Variants in UST observed in about 807,000 individuals in gnomAD.
The protein encoded by UST is uronyl 2-sulfotransferase.
UST carries 21 observed loss-of-function variants against 45.6 expected under a neutral mutation model. The observed-to-expected ratio is 0.46, with a 90% confidence interval of 0.33 to 0.66. UST has a LOEUF of 0.66. Among genes scored for constraint, UST ranks in the 30% least tolerant of loss-of-function variants. The pLI is 0.02. For synonymous variants in UST, 215 were observed against 200.6 expected (o/e 1.07, Z -0.61); for missense variants, 463 against 512.4 (o/e 0.90, Z 0.93).
chr6:148,899,543 CGCAAGG>C (rs1450900154), intron 2 of UST, among the ~76,000 whole-genome samples: 1 of 152,172 alleles, frequency 6.6e-6, no homozygotes, highest in African/African-American at 2.4e-5. Flanking sequence ...AATGCCACCA[CGCAAGG>C]GCAACTAAAA....
intron 2 of UST, among the ~76,000 whole-genome samples, chr6:148,889,917 C>T (rs1001710528): frequency 6.6e-6 from 1 of 152,026 alleles, no homozygotes; most frequent in Non-Finnish European, 1.5e-5. Context: ...CCATATCTCC[C>T]CCAACCCCTA....
chr6:148,865,665 TGTG>T (rs1344094235), intron 1 of UST, among the ~76,000 whole-genome samples: 2 of 2,904 alleles, frequency 6.9e-4, no homozygotes, highest in African/African-American at 1.1e-3. Flanking sequence ...TTGCTGAAAT[TGTG>T]TGTGTGTGTG....
intron 1 of UST, among the ~76,000 whole-genome samples, chr6:148,865,914 A>G (rs919901030): frequency 9.2e-5 from 14 of 152,148 alleles, no homozygotes; most frequent in Non-Finnish European, 1.6e-4. Context: ...AGGCTTTTAA[A>G]TTGAGAAAGC....
At chr6:148,747,744 G>C in intron 1 of UST, 67 bp downstream of exon 1, 13 of 1,475,970 alleles carry the variant, frequency 8.8e-6, no homozygotes, top group Non-Finnish European at 1.2e-5. Flanking sequence ...GGAGAGGGTC[G>C]CGGCGGGGAC....
At chr6:148,870,725 C>T (rs966352779) in intron 1 of UST, among the ~76,000 whole-genome samples, 5 of 152,200 alleles carry the variant, frequency 3.3e-5, no homozygotes, top group African/African-American at 1.2e-4. Flanking sequence ...CCTGTTCCCT[C>T]CTGACCTGGG....
intron 7 of UST, chr6:149,027,909 T>A (rs2115023450): frequency 6.6e-6 from 1 of 151,420 alleles, no homozygotes; most frequent in South Asian, 2.1e-4. Flanking sequence ...AATGGCACGA[T>A]CTCGGCTCAC....
rs781384969 is a variant in UST, at chr6:149,073,814, G to A, written c.938-19G>A. 7.5e-6 allele frequency: 12 copies of A among 1,607,108 alleles called. No individual in the cohort carries two copies. Among genetic ancestry groups the A allele is most frequent in the Non-Finnish European group, 1.0e-5 (12 of 1,175,102 alleles). On this transcript the variant is annotated intron_variant, in intron 7 of 7. Coordinates refer to ENST00000367463, the MANE Select transcript of UST (RefSeq NM_005715.3). The stretch of plus-strand genomic sequence containing the variant: ...CTACTGCAAATGATGGCTCATGTGC[G>A]ACCCCGGTTCTCTTCCAGAGCACAG...
Position 148,761,842 on chromosome 6 carries a change from A to G in UST, c.247+14165A>G, listed in dbSNP as rs112751626. Among the ~76,000 whole-genome samples, 1,118 of 152,368 alleles carry G rather than the reference A, an allele frequency of 7.3e-3. 14 individuals carry two copies. The highest frequency in any genetic ancestry group is 0.024 in the African/African-American group (996 of 41,592). On this transcript the variant is annotated intron_variant, in intron 1 of 7. Transcript: ENST00000367463. ...AGCCAACTTCAGCAGTGCGGGGTTA[A>G]CATGGGTTACTCTTGAAAATGTGTT...
chr6:148,997,786 T>C (rs1781479961), intron 5 of UST, among the ~76,000 whole-genome samples: 1 of 152,208 alleles, frequency 6.6e-6, no homozygotes, highest in African/African-American at 2.4e-5. Context: ...TAGTCACTCA[T>C]GATACTAGGA....
chr6:149,026,613 C>A (rs1281826710), intron 7 of UST, among the ~76,000 whole-genome samples: 1 of 152,158 alleles, frequency 6.6e-6, no homozygotes, highest in Non-Finnish European at 1.5e-5. Flanking sequence ...TAGGAACAGT[C>A]ATATGAGCAT....
At position 148,997,668 on chromosome 6, in the gene UST, A is replaced by T. The variant is rs192027616; in HGVS notation, c.682-21471A>T. 2.6e-5 allele frequency among the ~76,000 whole-genome samples: 4 copies of T among 152,300 alleles called. No homozygotes were observed. In the East Asian group the frequency reaches 7.7e-4, roughly 29 times the overall value. On this transcript the variant is annotated intron_variant, in intron 5 of 7. Transcript: ENST00000367463. Reference sequence around the variant, plus strand: ...TGGGGAACACACTATACTAATAGTCATTTATTTTTTCTGGGATTTTTTTGT... The same window carrying T: ...TGGGGAACACACTATACTAATAGTCTTTTATTTTTTCTGGGATTTTTTTGT...
chr6:148,928,505 G>A (rs1162527857), intron 2 of UST, among the ~76,000 whole-genome samples: 1 of 152,230 alleles, frequency 6.6e-6, no homozygotes, highest in African/African-American at 2.4e-5. Context: ...TAGCCTGAAT[G>A]TAATAACAGT....
Position 148,830,476 on chromosome 6 carries a change from G to A in UST, c.248-56510G>A, listed in dbSNP as rs918742430. ...GGGTCTTGCCGCATCGTTTCCTTTC[G>A]GGAGCACTCACCCACAATGTGTTGG... is the stretch of plus-strand genomic sequence containing the variant. On this transcript the variant is annotated intron_variant, in intron 1 of 7. Transcript: ENST00000367463. 1.2e-4 allele frequency among the ~76,000 whole-genome samples: 18 copies of A among 151,992 alleles called. 1 individual carries two copies. The highest frequency in any genetic ancestry group is 9.8e-4 in the Admixed American group (15 of 15,246).
In UST at chr6:148,930,618, A is replaced by G. The variant is rs1417378017; in HGVS notation, c.292-10661A>G. The stretch of plus-strand genomic sequence containing the variant: ...GGGGAAAGAGAGGTGAAGCCCCCAC[A>G]TGCAGGCTGTTTTCAAGCATCTGTT... On this transcript the variant is annotated intron_variant, in intron 2 of 7. Transcript: ENST00000367463. Among the ~76,000 whole-genome samples, 6 of 152,156 alleles carry G rather than the reference A, an allele frequency of 3.9e-5. No individual in the cohort carries two copies. The East Asian group carries it at 1.2e-3, about 29-fold the overall frequency.
At chr6:148,815,579 A>G (rs543205114) in intron 1 of UST, among the ~76,000 whole-genome samples, 1 of 152,312 alleles carries the variant, frequency 6.6e-6, no homozygotes, top group Admixed American at 6.5e-5. Context: ...TACATACCAC[A>G]TGGAAAAATC....
At chr6:148,925,583 G>A (rs145478693) in intron 2 of UST, among the ~76,000 whole-genome samples, 8 of 152,322 alleles carry the variant, frequency 5.3e-5, no homozygotes, top group East Asian at 1.9e-4. Flanking sequence ...AATTCTACAC[G>A]TTTAATGTCA....
Position 148,756,007 on chromosome 6 carries a change from TC to T in UST, c.247+8336del, listed in dbSNP as rs556820733. Among the ~76,000 whole-genome samples the T allele has an allele frequency of 2.0e-3, 119 of 58,736 alleles. 1 individual carries two copies. Among genetic ancestry groups the T allele is most frequent in the African/African-American group, 7.5e-3 (110 of 14,764 alleles). The allele number at this position is 58,736 out of a possible 152,430, so 38.5% of individuals were successfully genotyped here. On this transcript the variant is annotated intron_variant, in intron 1 of 7. Transcript: ENST00000367463. Reference sequence around the variant, plus strand: ...ATCTCCTAATGCTATCCCTCCCCCCTCCCCCCACCCCACGACAGGCCCCGGT... The same window carrying T: ...ATCTCCTAATGCTATCCCTCCCCCCTCCCCCACCCCACGACAGGCCCCGGT...
chr6:148,971,437 T>C (rs558252758), intron 5 of UST, among the ~76,000 whole-genome samples: 1 of 152,182 alleles, frequency 6.6e-6, no homozygotes, highest in South Asian at 2.1e-4. Flanking sequence ...TACAGATGTA[T>C]GTGAAATAGT....
chr6:148,887,255 A>G (rs559560934), intron 2 of UST, among the ~76,000 whole-genome samples: 3 of 152,402 alleles, frequency 2.0e-5, no homozygotes, highest in Non-Finnish European at 2.9e-5. Context: ...GTTGCTGCCC[A>G]GGCATTGGAG....
Sources: gnomAD v4.1 joint callset for allele counts (sites outside exome capture counted in the v4.1 genomes callset) on GRCh38, gnomAD v4.1.1 for gene constraint, MANE v1.5 for transcripts, NCBI Gene and HGNC (gene_info 2026-07-23, HGNC 2026-07-21) for gene names.